VPS13C: variants seen among roughly 807,000 people sequenced by gnomAD.
VPS13C encodes the protein vacuolar protein sorting 13 homolog C.
Under a neutral mutation model 456.8 loss-of-function variants are expected in VPS13C, and 358 were observed. The observed-to-expected ratio is 0.78, with a 90% CI of 0.72 to 0.86. The LOEUF (loss-of-function observed/expected upper bound fraction) is 0.86, where lower values mean the gene tolerates loss of function less well. VPS13C is among the 40% of genes least tolerant of loss of function. VPS13C has a pLI of 0.00. For synonymous variants in VPS13C, 1,578 were observed against 1,486.7 expected (o/e 1.06, Z -1.41); for missense variants, 4,818 against 4,385.4 (o/e 1.10, Z -2.79).
intron 6 of VPS13C, among the ~76,000 whole-genome samples, chr15:62,027,328 A>G (rs1010379056): frequency 1.3e-5 from 2 of 152,126 alleles, no homozygotes; most frequent in Non-Finnish European, 2.9e-5. Context: ...TACCCAGACT[A>G]CAGTAAGCTG....
rs779782370 is a variant in VPS13C at position 61,877,101 on chromosome 15, TA to T, written c.10143-48del. 30 of 1,450,222 alleles carry T rather than the reference TA, an allele frequency of 2.1e-5. No individual in the cohort carries two copies. In the Admixed American group the frequency reaches 3.9e-4, roughly 19 times the overall value. 89.8% of individuals were successfully genotyped at this position (1,450,222 alleles called of 1,614,324 possible). A position where few individuals can be genotyped will look rare whatever the true frequency, so the allele number is the denominator to read the frequency against. ...ATTCAAAGATACTAATATTATATGA[TA>T]AAAAAAGAGACTTAAAATTTGAATG... On this transcript the variant is annotated intron_variant, in intron 74 of 84. Transcript: ENST00000644861.
Position 61,894,994 on chromosome 15 carries a change from C to A in VPS13C, c.9106-4594G>T, listed in dbSNP as rs2042764529. Among the ~76,000 whole-genome samples the A allele has an allele frequency of 2.6e-5, 4 of 152,046 alleles. No homozygotes were observed. In the South Asian group the frequency reaches 8.3e-4, roughly 31 times the overall value. Reference sequence around the variant, plus strand: ...GCCACAAAACAAGTCTCAAAAAATTCAAAAAAGTTAAAATTATATCAAGTA... The same window carrying A: ...GCCACAAAACAAGTCTCAAAAAATTAAAAAAAGTTAAAATTATATCAAGTA... On this transcript the variant is annotated intron_variant, in intron 66 of 84. Transcript: ENST00000644861.
At chr15:61,954,614 T>C (rs1177021693) in intron 37 of VPS13C, 60 bp from the exon 38 acceptor site, 9 of 1,505,174 alleles carry the variant, frequency 6.0e-6, no homozygotes, top group African/African-American at 4.2e-5. Context: ...CAAATATTTA[T>C]TGTGGACTTA....
At chr15:61,900,474 C>A (rs2042963307) in intron 66 of VPS13C, among the ~76,000 whole-genome samples, 1 of 152,170 alleles carries the variant, frequency 6.6e-6, no homozygotes, top group African/African-American at 2.4e-5. Flanking sequence ...CAACAACAGA[C>A]AGAGAGCCAA....
At chr15:62,045,497 T>C (rs2048368869) in intron 1 of VPS13C, among the ~76,000 whole-genome samples, 1 of 152,080 alleles carries the variant, frequency 6.6e-6, no homozygotes, top group African/African-American at 2.4e-5. Context: ...AGGCACATTT[T>C]AGAAAGCACA....
intron 1 of VPS13C, among the ~76,000 whole-genome samples, chr15:62,050,036 T>C (rs1431805198): frequency 6.6e-6 from 1 of 152,238 alleles, no homozygotes; most frequent in African/African-American, 2.4e-5. Context: ...TATACAATCA[T>C]GTCATCTGCA....
chr15:61,882,462 G>A (rs1425411069), intron 69 of VPS13C, 134 bp downstream of exon 69: 1 of 922,788 alleles, frequency 1.1e-6, no homozygotes, highest in African/African-American at 1.7e-5. Context: ...AGGATATGTG[G>A]AAAAAGGGGA....
chr15:61,912,059 T>C (rs2043317440), intron 62 of VPS13C, 55 bp from the exon 63 acceptor site: 1 of 1,403,926 alleles, frequency 7.1e-7, no homozygotes, highest in Non-Finnish European at 9.4e-7. Flanking sequence ...TTGAAATATA[T>C]ACACATCCCC....
chr15:62,041,225 C>T (rs2048231362), intron 3 of VPS13C, 99 bp downstream of exon 3: 4 of 1,285,042 alleles, frequency 3.1e-6, no homozygotes, highest in Non-Finnish European at 4.3e-6. Flanking sequence ...AAAAAAATCT[C>T]TCACACTTTT....
At chr15:62,024,859 A>T (rs1384205720) in intron 6 of VPS13C, among the ~76,000 whole-genome samples, 1 of 152,004 alleles carries the variant, frequency 6.6e-6, no homozygotes, top group Non-Finnish European at 1.5e-5. Context: ...GCCTCTACAC[A>T]TGTCATTCCG....
chr15:61,891,993 G>A (rs568291385), intron 66 of VPS13C, among the ~76,000 whole-genome samples: 1 of 152,308 alleles, frequency 6.6e-6, no homozygotes, highest in East Asian at 1.9e-4. Context: ...AATCTGCCTG[G>A]CACTGCATGC....
chr15:61,882,869 G>C (rs889144752), intron 68 of VPS13C, 133 bp from the exon 69 acceptor site: 17 of 892,628 alleles, frequency 1.9e-5, no homozygotes, highest in Non-Finnish European at 2.4e-5. Context: ...ATCTTAAGGT[G>C]ATCTACAGTT....
rs1376890779 is a variant in VPS13C, at chr15:62,037,275, TATATTATATATATTATATTATATA to T, written c.188-2247_188-2224del. Reference sequence around the variant, plus strand: ...TATTTATATATATTATATTATATAATATATTATATATATTATATTATATAATATATATATAAATATATTATATAT... The same window carrying T: ...TATTTATATATATTATATTATATAATATATATATATAAATATATTATATAT... On this transcript the variant is annotated intron_variant, in intron 3 of 84. Transcript: ENST00000644861. Among the ~76,000 whole-genome samples, 12 of 74,508 alleles carry T rather than the reference TATATTATATATATTATATTATATA, an allele frequency of 1.6e-4. 1 individual carries two copies. The highest frequency in any genetic ancestry group is 2.5e-4 in the Non-Finnish European group (11 of 43,550). The allele number at this position is 74,508 out of a possible 152,430, so 48.9% of individuals were successfully genotyped here.
At chr15:62,052,940 G>T (rs1482773729) in intron 1 of VPS13C, among the ~76,000 whole-genome samples, 1 of 152,014 alleles carries the variant, frequency 6.6e-6, no homozygotes, top group East Asian at 1.9e-4. Context: ...TTCACTTCAG[G>T]GATCCCATAA....
chr15:61,938,568 G>A (rs190741959), intron 47 of VPS13C, among the ~76,000 whole-genome samples: 2 of 152,290 alleles, frequency 1.3e-5, no homozygotes, highest in East Asian at 3.9e-4. Context: ...GCATTCCTGA[G>A]TTAATAAGGA....
At chr15:62,030,722 A>T (rs1039942565) in intron 5 of VPS13C, among the ~76,000 whole-genome samples, 1 of 152,220 alleles carries the variant, frequency 6.6e-6, no homozygotes, top group East Asian at 1.9e-4. Flanking sequence ...GTGCAAGGAG[A>T]TAGTAAGAGA....
Position 61,983,996 on chromosome 15 carries a change from C to G in VPS13C, c.1738G>C (p.Glu580Gln). Residue 580 changes from glutamate (E) to glutamine (Q), a missense_variant, in exon 20 of 85, where the codon GAA becomes CAA. Transcript: ENST00000644861. ...CTCAAACCTGTTATATACCAGTGTTCTAATTTCGCTTCTACCCTATAATCC... is the reference window on the plus strand; with the variant it reads ...CTCAAACCTGTTATATACCAGTGTTGTAATTTCGCTTCTACCCTATAATCC... ...AQALKVEAKL[E>Q]HWYITGLRQQ... 1 of 1,613,386 alleles carries G rather than the reference C, an allele frequency of 6.2e-7. No individual in the cohort carries two copies. The highest frequency in any genetic ancestry group is 1.1e-5 in the South Asian group (1 of 91,046).
intron 18 of VPS13C, among the ~76,000 whole-genome samples, chr15:61,988,179 GT>G (rs2046117013): frequency 6.6e-6 from 1 of 152,142 alleles, no homozygotes; most frequent in South Asian, 2.1e-4. Flanking sequence ...GTTATAAAGT[GT>G]TTGTTTTGCA....
At chr15:61,940,903 G>T in intron 46 of VPS13C, 109 bp from the exon 47 acceptor site, 1 of 1,091,504 alleles carries the variant, frequency 9.2e-7, no homozygotes, top group Non-Finnish European at 1.3e-6. Context: ...GCTAAAAGCT[G>T]CTAACAGAAG....
Sources: allele counts gnomAD v4.1 joint callset (sites outside exome capture counted in the v4.1 genomes callset), GRCh38; gene constraint gnomAD v4.1.1; transcripts MANE v1.5; gene names NCBI Gene and HGNC (gene_info 2026-07-23, HGNC 2026-07-21).